Variants in SHQ1 observed in about 807,000 individuals in gnomAD.
SHQ1 encodes protein SHQ1 homolog.
A neutral mutation model predicts 53.8 loss-of-function variants in SHQ1; 49 were observed. The observed-to-expected ratio is 0.91, with a 90% CI of 0.72 to 1.16. SHQ1 has a LOEUF of 1.16. SHQ1 is among the 50% of genes most tolerant of loss of function. The probability of loss-of-function intolerance (pLI) is 0.00; values close to 1 mark genes in which losing one functional copy is unlikely to be tolerated. For synonymous variants in SHQ1, 243 were observed against 251.0 expected (o/e 0.97, Z 0.30); for missense variants, 738 against 683.1 (o/e 1.08, Z -0.90).
intron 10 of SHQ1, among the ~76,000 whole-genome samples, chr3:72,762,957 A>C (rs150117748): frequency 0.019 from 2,771 of 142,430 alleles, 86 homozygotes; most frequent in African/African-American, 0.065. Flanking sequence ...TGAGCCACCA[A>C]GCCCGGCCTG....
At chr3:72,832,325 A>C in intron 5 of SHQ1, 44 bp downstream of exon 5, 1 of 1,420,582 alleles carries the variant, frequency 7.0e-7, no homozygotes. Flanking sequence ...TTTTAAAATA[A>C]ATGTCAAGTA....
intron 10 of SHQ1, among the ~76,000 whole-genome samples, chr3:72,765,717 C>T (rs552130099): frequency 1.3e-5 from 2 of 151,756 alleles, no homozygotes; most frequent in South Asian, 4.2e-4. Flanking sequence ...CTACACCCAG[C>T]TAATTTTTGT....
rs1238198359 is a variant in SHQ1 at position 72,848,283 on chromosome 3, G to A, written c.58C>T (p.Arg20Cys). 3 of 1,614,192 alleles carry A rather than the reference G, an allele frequency of 1.9e-6. No homozygotes were observed. The highest frequency in any genetic ancestry group is 2.7e-5 in the African/African-American group (2 of 75,054). ...QDPDFLTIAI[R>C]VPYARVSEFD... ...TCGGAGACCCGGGCGTAGGGCACGC[G>A]GATGGCGATAGTCAGGAAGTCCGGA... The change falls in exon 1 of 11, where the codon CGC becomes TGC. Residue 20 changes from arginine (R) to cysteine (C), a missense_variant. Physicochemically the swap from Arg to Cys is radical, Grantham distance 180 (BLOSUM62 -3). Coordinates refer to ENST00000325599, the MANE Select transcript of SHQ1 (RefSeq NM_018130.3).
intron 10 of SHQ1, among the ~76,000 whole-genome samples, chr3:72,780,557 C>T (rs752088417): frequency 3.3e-5 from 5 of 152,096 alleles, no homozygotes; most frequent in Admixed American, 6.5e-5. Context: ...ATACCATATG[C>T]GAGAAGGTGT....
At chr3:72,751,508 G>GTGTATATATATATA (rs1210782182) in intron 10 of SHQ1, among the ~76,000 whole-genome samples, 91 of 116,964 alleles carry the variant, frequency 7.8e-4, no homozygotes, top group Middle Eastern at 8.3e-3. Context: ...GTGTGTGTGT[G>GTGTATATATATATA]TATATATATA....
chr3:72,791,732 A>C (rs1166469601), intron 10 of SHQ1, among the ~76,000 whole-genome samples: 1 of 150,622 alleles, frequency 6.6e-6, no homozygotes, highest in Non-Finnish European at 1.5e-5. Flanking sequence ...TTTTTTTTTT[A>C]ATACAGACAG....
At chr3:72,840,273 T>C (rs1449933871) in intron 4 of SHQ1, among the ~76,000 whole-genome samples, 7 of 99,572 alleles carry the variant, frequency 7.0e-5, no homozygotes, top group East Asian at 6.8e-4. Context: ...AAAGAATAAA[T>C]AAACAATAGG....
chr3:72,798,307 G>C (rs555169110), intron 9 of SHQ1, among the ~76,000 whole-genome samples: 2 of 152,294 alleles, frequency 1.3e-5, no homozygotes, highest in East Asian at 1.9e-4. Context: ...CTCTAGGATG[G>C]ACTTGGCTGA....
the SHQ1 span, among the ~76,000 whole-genome samples, chr3:72,735,257 C>T: frequency 1.3e-5 from 2 of 151,226 alleles, no homozygotes; most frequent in Non-Finnish European, 2.9e-5. Context: ...ATTTGTTTAT[C>T]TCATAATTCT....
chr3:72,791,580 G>C (rs1706438475), intron 10 of SHQ1, among the ~76,000 whole-genome samples: 1 of 152,028 alleles, frequency 6.6e-6, no homozygotes, highest in African/African-American at 2.4e-5. Context: ...CCACACTAAA[G>C]CATTTATTTA....
chr3:72,765,393 A>G (rs1397873283), intron 10 of SHQ1, among the ~76,000 whole-genome samples: 6 of 149,992 alleles, frequency 4.0e-5, no homozygotes, highest in African/African-American at 1.2e-4. Flanking sequence ...GACTGCACTG[A>G]AACAGTGCAT....
At position 72,817,738 on chromosome 3, in the gene SHQ1, C is replaced by T. The variant is rs556895896; in HGVS notation, c.728-354G>A. Among the ~76,000 whole-genome samples the T allele has an allele frequency of 7.2e-5, 11 of 152,172 alleles. No homozygotes were observed. The South Asian group carries it at 2.3e-3, about 32-fold the overall frequency. On this transcript the variant is annotated intron_variant, in intron 6 of 10. Transcript: ENST00000325599. Reference sequence around the variant, plus strand: ...ACAACAGAAAGTGCTAAATAAAGCACACTGAAAATATTCGTTATCCATTTT... The same window carrying T: ...ACAACAGAAAGTGCTAAATAAAGCATACTGAAAATATTCGTTATCCATTTT...
At chr3:72,768,059 C>T (rs1705769379) in intron 10 of SHQ1, among the ~76,000 whole-genome samples, 1 of 152,092 alleles carries the variant, frequency 6.6e-6, no homozygotes, top group Admixed American at 6.6e-5. Context: ...TACAAAAAAG[C>T]AGGGAATGCT....
chr3:72,841,303 T>G, intron 3 of SHQ1, 104 bp from the exon 4 acceptor site: 1 of 813,982 alleles, frequency 1.2e-6, no homozygotes, highest in Non-Finnish European at 1.9e-6. Context: ...CCAAAAGACA[T>G]ATACCAAATG....
downstream of SHQ1, among the ~76,000 whole-genome samples, chr3:72,748,607 C>T (rs1026257821): frequency 5.3e-5 from 8 of 152,070 alleles, no homozygotes; most frequent in East Asian, 9.7e-4. Flanking sequence ...ATGAGAATCG[C>T]TTCAGCCTGG....
the SHQ1 span, among the ~76,000 whole-genome samples, chr3:72,731,715 C>T: frequency 6.6e-6 from 1 of 151,416 alleles, no homozygotes; most frequent in Admixed American, 6.6e-5. Flanking sequence ...ATTAAAAGAT[C>T]CTCAGTTTGC....
downstream of SHQ1, among the ~76,000 whole-genome samples, chr3:72,747,628 G>A (rs921188433): frequency 6.6e-6 from 1 of 152,290 alleles, no homozygotes. Flanking sequence ...AGAGAGGAGA[G>A]AGCTGCACAG....
rs1307031018 is a variant in SHQ1, at chr3:72,750,784, T to C, written c.1234A>G (p.Lys412Glu). The C allele has an allele frequency of 1.1e-5, 17 of 1,550,302 alleles. No homozygotes were observed. In the East Asian group the frequency reaches 3.2e-4, roughly 29 times the overall value. Residue 412 changes from lysine (K) to glutamate (E), a missense_variant, in exon 11 of 11, where the codon AAG becomes GAG. Coordinates refer to ENST00000325599, the MANE Select transcript of SHQ1 (RefSeq NM_018130.3). ...TCCAGTTCTAACCCCAGCTGGGCCT[T>C]TGTAAGGGAGACTTCCTTTAAGGCT... Reference protein sequence around the residue: ...AEALKEVSLTKAQLGLELEEL... With the variant: ...AEALKEVSLTEAQLGLELEEL...
intron 5 of SHQ1, among the ~76,000 whole-genome samples, chr3:72,827,015 T>A (rs900150736): frequency 9.2e-5 from 14 of 152,124 alleles, no homozygotes; most frequent in African/African-American, 3.4e-4. Flanking sequence ...TGGCCTAGGA[T>A]AAGAGAGTGG....
Sources: gnomAD v4.1 joint callset for allele counts (sites outside exome capture counted in the v4.1 genomes callset) on GRCh38, gnomAD v4.1.1 for gene constraint, MANE v1.5 for transcripts, NCBI Gene and HGNC (gene_info 2026-07-23, HGNC 2026-07-21) for gene names.